The following KIF21A variants were observed in gnomAD, a reference collection of about 807,000 sequenced individuals.
KIF21A encodes kinesin family member 21A, also known as kinesin-like protein KIF21A.
Under a neutral mutation model 202.9 loss-of-function variants are expected in KIF21A, and 114 were observed. That is an observed-to-expected ratio of 0.56 (90% CI 0.48 to 0.66). The LOEUF (loss-of-function observed/expected upper bound fraction) is 0.66, where lower values mean the gene tolerates loss of function less well. Among genes scored for constraint, KIF21A ranks in the 30% least tolerant of loss-of-function variants. KIF21A has a pLI of 0.00. For synonymous variants in KIF21A, 667 were observed against 670.8 expected (o/e 0.99, Z 0.09); for missense variants, 1,677 against 1,994.9 (o/e 0.84, Z 3.04).
Position 39,331,700 on chromosome 12 carries a change from C to T in KIF21A, c.3143G>A (p.Gly1048Asp), listed in dbSNP as rs1946520573. The T allele has an allele frequency of 1.2e-6, 2 of 1,608,226 alleles. No individual in the cohort carries two copies. Among genetic ancestry groups the T allele is most frequent in the African/African-American group, 2.7e-5 (2 of 74,788 alleles). ...RYLLDHFLSM[G>D]INKGLQAAQK... ...GTGGTTGTATCTTACCTTATTGATG[C>T]CCATTGACAGGAAGTGATCTAGCAG... The change falls in exon 22 of 38, where the codon GGC (glycine) becomes GAC (aspartate). Residue 1048 changes from glycine (G) to aspartate (D), a missense_variant. Physicochemically the swap from Gly to Asp is moderately conservative, Grantham distance 94. Transcript: ENST00000361418.
chr12:39,435,192 T>C (rs1938512487), intron 1 of KIF21A, among the ~76,000 whole-genome samples: 1 of 152,220 alleles, frequency 6.6e-6, no homozygotes, highest in African/African-American at 2.4e-5. Flanking sequence ...AGCAGATGGA[T>C]GTGCCCAAGT....
chr12:39,408,484 G>A (rs1592599576), intron 1 of KIF21A, among the ~76,000 whole-genome samples: 1 of 152,106 alleles, frequency 6.6e-6, no homozygotes, highest in South Asian at 2.1e-4. Flanking sequence ...GTGGTCCAGG[G>A]ATTGAGGAAC....
At chr12:39,426,751 G>T (rs1954789127) in intron 1 of KIF21A, among the ~76,000 whole-genome samples, 1 of 151,356 alleles carries the variant, frequency 6.6e-6, no homozygotes, top group Admixed American at 6.6e-5. Context: ...GGGCATGGTG[G>T]TGGATGCTGG....
chr12:39,376,845 C>A (rs1045651971), intron 1 of KIF21A, among the ~76,000 whole-genome samples: 4 of 152,074 alleles, frequency 2.6e-5, no homozygotes, highest in Non-Finnish European at 4.4e-5. Context: ...AAGGGATAAG[C>A]CTTTCTTTTG....
In KIF21A at chr12:39,309,708, A is replaced by AC. The variant is rs749434932; in HGVS notation, c.4154dup (p.His1386SerfsTer12). 3 of 1,613,082 alleles carry AC rather than the reference A, an allele frequency of 1.9e-6. No individual in the cohort carries two copies. The highest frequency in any genetic ancestry group is 2.2e-5 in the East Asian group (1 of 44,840). ...TTACAGACACGACATTGTTGGGATG[A>AC]CCCCCCAGTGACATTATTTCCTGCC... On this transcript the variant is annotated frameshift_variant, in exon 33 of 38. Transcript: ENST00000361418. LOFTEE classifies it high-confidence loss of function.
At chr12:39,335,875 G>T (rs577802097) in intron 17 of KIF21A, among the ~76,000 whole-genome samples, 1 of 152,086 alleles carries the variant, frequency 6.6e-6, no homozygotes, top group Non-Finnish European at 1.5e-5. Flanking sequence ...CAAAATAGGG[G>T]AGTCATCTGG....
intron 1 of KIF21A, among the ~76,000 whole-genome samples, chr12:39,416,359 G>T (rs527532071): frequency 1.3e-3 from 191 of 152,144 alleles, no homozygotes; most frequent in Non-Finnish European, 2.2e-3. Flanking sequence ...ACTTTGGGAG[G>T]CCGAGAAGGG....
At chr12:39,326,833 G>A (rs1945982767) in intron 24 of KIF21A, among the ~76,000 whole-genome samples, 1 of 152,156 alleles carries the variant, frequency 6.6e-6, no homozygotes, top group Non-Finnish European at 1.5e-5. Context: ...GAGAGAAGGT[G>A]TGCATGAGGG....
intron 34 of KIF21A, among the ~76,000 whole-genome samples, chr12:39,306,617 T>C (rs1943499048): frequency 6.6e-6 from 1 of 152,156 alleles, no homozygotes. Flanking sequence ...CACTGGCAAA[T>C]CCCTTCTGGA....
Position 39,293,673 on chromosome 12 carries a change from A to C in KIF21A, c.*751T>G, listed in dbSNP as rs562653582. On this transcript the variant is annotated 3_prime_UTR_variant, in exon 38 of 38. Coordinates refer to ENST00000361418, the MANE Select transcript of KIF21A (RefSeq NM_001173464.2). ...ACAACTCCATAGGAAAATAGATCAA[A>C]ATATATTTCTGTTAGGACATCAACA... 1.8e-4 allele frequency: 27 copies of C among 152,664 alleles called. No homozygotes were observed. Among genetic ancestry groups the C allele is most frequent in the Admixed American group, 1.4e-3 (22 of 15,296 alleles). 9.5% of individuals were successfully genotyped at this position (152,664 alleles called of 1,614,324 possible).
chr12:39,423,940 C>T (rs1249958028), intron 1 of KIF21A, among the ~76,000 whole-genome samples: 7 of 138,412 alleles, frequency 5.1e-5, no homozygotes, highest in Non-Finnish European at 9.2e-5. Flanking sequence ...GCCGAGATTG[C>T]GCCACTGCAC....
At chr12:39,407,132 G>A (rs912561173) in intron 1 of KIF21A, among the ~76,000 whole-genome samples, 4 of 152,192 alleles carry the variant, frequency 2.6e-5, no homozygotes, top group Admixed American at 6.5e-5. Flanking sequence ...CTGCATTGTC[G>A]ATTCTTCCCT....
intron 1 of KIF21A, among the ~76,000 whole-genome samples, chr12:39,439,944 C>T (rs1939333188): frequency 6.6e-6 from 1 of 151,102 alleles, no homozygotes; most frequent in Non-Finnish European, 1.5e-5. Flanking sequence ...ATAAGCACCT[C>T]TAGGATGCAT....
intron 4 of KIF21A, 66 bp from the exon 5 acceptor site, chr12:39,367,230 C>A: frequency 5.1e-6 from 8 of 1,558,136 alleles, no homozygotes; most frequent in Non-Finnish European, 7.1e-6. Context: ...AATCCAAAGT[C>A]TGAGGTAATG....
Position 39,357,319 on chromosome 12 carries a change from G to T in KIF21A, c.1334C>A (p.Thr445Lys), listed in dbSNP as rs770807001. The change falls in exon 9 of 38, where the codon ACG (threonine) becomes AAG (lysine). Residue 445 changes from threonine to lysine, a missense_variant. Coordinates refer to ENST00000361418, the MANE Select transcript of KIF21A (RefSeq NM_001173464.2). ...AATTCTGGACCTCAATGCATCAACCGTCTCTTGCATGGCTTTAATTCTTAC... is the reference window on the plus strand; with the variant it reads ...AATTCTGGACCTCAATGCATCAACCTTCTCTTGCATGGCTTTAATTCTTAC... ...LRVRIKAMQE[T>K]VDALRSRITQ... 1 of 1,613,724 alleles carries T rather than the reference G, an allele frequency of 6.2e-7. No homozygotes were observed. The highest frequency in any genetic ancestry group is 8.5e-7 in the Non-Finnish European group (1 of 1,179,854).
chr12:39,363,900 C>A (rs1460353081), intron 6 of KIF21A, among the ~76,000 whole-genome samples: 1 of 152,180 alleles, frequency 6.6e-6, no homozygotes. Flanking sequence ...TGCCTGTAGT[C>A]CCAGCTACTT....
Position 39,304,827 on chromosome 12 carries a change from G to A in KIF21A, c.4554C>T (p.Tyr1518=), listed in dbSNP as rs772148885. The change falls in exon 35 of 38, where the codon TAC becomes TAT. Residue 1518 remains tyrosine, a synonymous_variant. Coordinates refer to ENST00000361418, the MANE Select transcript of KIF21A (RefSeq NM_001173464.2). ...DLIITGSKDH[Y]IKMFDVTEGA... ...GAAAGTCTCTTATACATACTTTGATGTAATGATCCTTGGAGCCAGTGATGA... is the reference window on the plus strand; with the variant it reads ...GAAAGTCTCTTATACATACTTTGATATAATGATCCTTGGAGCCAGTGATGA... 1 of 1,503,896 alleles carries A rather than the reference G, an allele frequency of 6.6e-7. No individual in the cohort carries two copies. Among genetic ancestry groups the A allele is most frequent in the Non-Finnish European group, 9.3e-7 (1 of 1,079,944 alleles). The allele number at this position is 1,503,896 out of a possible 1,614,324, so 93.2% of individuals were successfully genotyped here.
chr12:39,401,726 A>C (rs973578444), intron 1 of KIF21A, among the ~76,000 whole-genome samples: 1 of 152,218 alleles, frequency 6.6e-6, no homozygotes, highest in African/African-American at 2.4e-5. Flanking sequence ...TAATGTTGTC[A>C]CCACTTAAAT....
chr12:39,345,175 T>C (rs1947789934), intron 12 of KIF21A, among the ~76,000 whole-genome samples: 1 of 152,230 alleles, frequency 6.6e-6, no homozygotes, highest in African/African-American at 2.4e-5. Flanking sequence ...TTTGCTGTCC[T>C]TCAGGGATCA....
Sources: allele counts gnomAD v4.1 joint callset (sites outside exome capture counted in the v4.1 genomes callset), GRCh38; gene constraint gnomAD v4.1.1; transcripts MANE v1.5; gene names NCBI Gene and HGNC (gene_info 2026-07-23, HGNC 2026-07-21).